The following SCUBE2 variants were observed in gnomAD, a reference collection of about 807,000 sequenced individuals.
SCUBE2 encodes signal peptide, CUB and EGF-like domain-containing protein 2.
SCUBE2 carries 114 observed loss-of-function variants against 125.9 expected under a neutral mutation model. That is an observed-to-expected ratio of 0.91 (90% CI 0.78 to 1.06). The LOEUF is 1.06. SCUBE2 is among the 50% of genes least tolerant of loss of function. The pLI, the probability that SCUBE2 is intolerant of heterozygous loss-of-function variation, is 0.00. For missense variants in SCUBE2, 1,255 were observed against 1,301.8 expected (o/e 0.96, Z 0.55); for synonymous variants, 459 against 492.9 (o/e 0.93, Z 0.91).
At chr11:9,057,701 T>G (rs928760309) in intron 9 of SCUBE2, among the ~76,000 whole-genome samples, 3 of 151,918 alleles carry the variant, frequency 2.0e-5, no homozygotes, top group African/African-American at 7.3e-5. Flanking sequence ...CCCACCTAAT[T>G]TTTGTATTTT....
chr11:9,085,562 T>G (rs1434314036), intron 2 of SCUBE2, among the ~76,000 whole-genome samples: 1 of 151,874 alleles, frequency 6.6e-6, no homozygotes, highest in African/African-American at 2.4e-5. Flanking sequence ...CCGTCTTTGC[T>G]AAAAATACAA....
At position 9,038,616 on chromosome 11, in the gene SCUBE2, AAAAC is replaced by A. The variant is rs200488741; in HGVS notation, c.2003-4824_2003-4821del. ...GGTGACAGAGCAAGACCCTGTCTAA[AAAAC>A]AAACAAACAAACAAACACAAAACAA... On this transcript the variant is annotated intron_variant, in intron 16 of 22. Coordinates refer to ENST00000649792, the MANE Select transcript of SCUBE2 (RefSeq NM_001367977.2). 6.6e-3 allele frequency among the ~76,000 whole-genome samples: 1,012 copies of A among 152,302 alleles called. 14 individuals carry two copies. Among genetic ancestry groups the A allele is most frequent in the African/African-American group, 0.023 (942 of 41,558 alleles).
intron 10 of SCUBE2, among the ~76,000 whole-genome samples, chr11:9,054,727 T>TATATATATATATATATA (rs1858892511): frequency 2.8e-5 from 1 of 36,010 alleles, no homozygotes; most frequent in Non-Finnish European, 5.5e-5. Flanking sequence ...ATATATATAT[T>TATATATATATATATATA]TTTTTTTTTT....
chr11:9,058,510 C>A (rs552759372), intron 9 of SCUBE2, among the ~76,000 whole-genome samples: 2 of 141,146 alleles, frequency 1.4e-5, no homozygotes, highest in Admixed American at 7.7e-5. Flanking sequence ...GCAGGAGAAT[C>A]GCTTGAACCT....
intron 16 of SCUBE2, among the ~76,000 whole-genome samples, chr11:9,042,822 T>C (rs1013188143): frequency 6.6e-6 from 1 of 152,200 alleles, no homozygotes; most frequent in African/African-American, 2.4e-5. Flanking sequence ...ATCCATGTCA[T>C]CCCCAAATGC....
At chr11:9,058,305 A>C (rs1393082983) in intron 9 of SCUBE2, among the ~76,000 whole-genome samples, 4 of 151,988 alleles carry the variant, frequency 2.6e-5, no homozygotes, top group Non-Finnish European at 5.9e-5. Context: ...TCTACTAAAA[A>C]TTCAGAAATT....
chr11:9,051,225 T>TCTATCTATCTACCTAC lies in SCUBE2; in HGVS notation c.1535-516_1535-515insGTAGGTAGATAGATAG, dbSNP rs755617422. ...ATCTATCTATCTATCTATCTATCTA[T>TCTATCTATCTACCTAC]CTACCTACCTACCTATCTATCTATC... On this transcript the variant is annotated intron_variant, in intron 13 of 22. Transcript: ENST00000649792. Among the ~76,000 whole-genome samples the TCTATCTATCTACCTAC allele has an allele frequency of 3.5e-3, 464 of 132,394 alleles. 2 individuals carry two copies. Among genetic ancestry groups the TCTATCTATCTACCTAC allele is most frequent in the East Asian group, 0.02 (90 of 4,528 alleles). The allele number at this position is 132,394 out of a possible 152,430, so 86.9% of individuals were successfully genotyped here. A position where few individuals can be genotyped will look rare whatever the true frequency, so the allele number is the denominator to read the frequency against.
chr11:9,056,839 T>C (rs1221606828), intron 9 of SCUBE2, among the ~76,000 whole-genome samples: 1 of 152,202 alleles, frequency 6.6e-6, no homozygotes, highest in East Asian at 1.9e-4. Context: ...ACTAGACCAC[T>C]GCTAGACCAC....
intron 2 of SCUBE2, among the ~76,000 whole-genome samples, chr11:9,084,769 C>G (rs796240136): frequency 4.6e-5 from 7 of 152,212 alleles, no homozygotes; most frequent in African/African-American, 1.7e-4. Context: ...TTTGAGACAG[C>G]GTCTCATTTT....
intron 3 of SCUBE2, among the ~76,000 whole-genome samples, chr11:9,078,326 C>T (rs1312851981): frequency 6.6e-6 from 1 of 152,228 alleles, no homozygotes; most frequent in Non-Finnish European, 1.5e-5. Flanking sequence ...AGCCTGATCT[C>T]TCACACAGGG....
At chr11:9,040,775 C>A (rs1383769070) in intron 16 of SCUBE2, among the ~76,000 whole-genome samples, 1 of 152,152 alleles carries the variant, frequency 6.6e-6, no homozygotes, top group Admixed American at 6.5e-5. Flanking sequence ...ATATCCCAGG[C>A]AGGATGGAGC....
chr11:9,040,746 C>T (rs926883833), intron 16 of SCUBE2, among the ~76,000 whole-genome samples: 1 of 151,790 alleles, frequency 6.6e-6, no homozygotes, highest in East Asian at 1.9e-4. Flanking sequence ...CGTGGGTACG[C>T]AGCATAAAGG....
At chr11:9,069,663 G>A (rs1860593224) in intron 4 of SCUBE2, among the ~76,000 whole-genome samples, 168 bp from the exon 5 acceptor site, 1 of 152,106 alleles carries the variant, frequency 6.6e-6, no homozygotes, top group Admixed American at 6.5e-5. Context: ...CCAATTAATA[G>A]ACATGAAAAA....
At chr11:9,081,149 A>G (rs1281034527) in intron 2 of SCUBE2, among the ~76,000 whole-genome samples, 1 of 152,234 alleles carries the variant, frequency 6.6e-6, no homozygotes, top group Non-Finnish European at 1.5e-5. Context: ...CAGGATGTTG[A>G]TGGGTATGTA....
intron 21 of SCUBE2, chr11:9,024,352 TCCA>T: frequency 7.8e-7 from 1 of 1,276,984 alleles, no homozygotes; most frequent in Non-Finnish European, 1.0e-6. Context: ...GGCATTTGGG[TCCA>T]CCCCAAGAGA....
intron 3 of SCUBE2, among the ~76,000 whole-genome samples, chr11:9,075,674 A>G (rs1318068087): frequency 2.6e-5 from 4 of 152,224 alleles, no homozygotes; most frequent in Non-Finnish European, 5.9e-5. Flanking sequence ...AATACAAGGC[A>G]GCAGCTGAGG....
intron 8 of SCUBE2, 125 bp downstream of exon 8, chr11:9,060,283 A>C (rs1405717728): frequency 1.4e-6 from 1 of 699,952 alleles, no homozygotes; most frequent in African/African-American, 1.8e-5. Context: ...CATTGATATG[A>C]ATCATAAGCA....
chr11:9,043,802 A>T (rs951303085), intron 16 of SCUBE2, among the ~76,000 whole-genome samples: 21 of 140,288 alleles, frequency 1.5e-4, no homozygotes, highest in African/African-American at 4.2e-4. Context: ...TAAAATGACT[A>T]TTTTTTTTTT....
At chr11:9,047,235 C>T in intron 16 of SCUBE2, 121 bp downstream of exon 16, 1 of 969,704 alleles carries the variant, frequency 1.0e-6, no homozygotes, top group East Asian at 2.5e-5. Context: ...GAAGCACTGC[C>T]CGGAGTGTTC....
Sources: gnomAD v4.1 joint callset for allele counts (sites outside exome capture counted in the v4.1 genomes callset) on GRCh38, gnomAD v4.1.1 for gene constraint, MANE v1.5 for transcripts, NCBI Gene and HGNC (gene_info 2026-07-23, HGNC 2026-07-21) for gene names.